HS3ST3B1: variants seen among roughly 807,000 people sequenced by gnomAD.
The protein encoded by HS3ST3B1 is heparan sulfate glucosamine 3-O-sulfotransferase 3B1.
In HS3ST3B1, 13 loss-of-function variants were observed where a neutral mutation model predicts 21.3. That is an observed-to-expected ratio of 0.61 (90% confidence interval 0.40 to 0.97). The LOEUF (loss-of-function observed/expected upper bound fraction) is 0.97. Ranked by LOEUF, HS3ST3B1 falls within the 50% of genes least tolerant of loss-of-function variation. The pLI is 0.00. For synonymous variants in HS3ST3B1, 234 were observed against 254.8 expected, an observed-to-expected ratio of 0.92 and a Z score of 0.78; for missense variants, 459 against 554.8, an observed-to-expected ratio of 0.83 and a Z score of 1.73.
chr17:14,307,093 A>G (rs1178871802), intron 1 of HS3ST3B1, among the ~76,000 whole-genome samples: 1 of 152,236 alleles, frequency 6.6e-6, no homozygotes, highest in Non-Finnish European at 1.5e-5. Flanking sequence ...CATTTGTTTT[A>G]GATAAATATG....
At chr17:14,344,202 GTT>G (rs573626696) in intron 1 of HS3ST3B1, among the ~76,000 whole-genome samples, 1 of 152,092 alleles carries the variant, frequency 6.6e-6, no homozygotes, top group Non-Finnish European at 1.5e-5. Flanking sequence ...GCCCAGCCTG[GTT>G]TTTTTATTAT....
At chr17:14,332,971 G>A (rs1246522679) in intron 1 of HS3ST3B1, among the ~76,000 whole-genome samples, 4 of 151,478 alleles carry the variant, frequency 2.6e-5, no homozygotes, top group African/African-American at 9.7e-5. Flanking sequence ...CAGCAAAGCT[G>A]CGCATGCTCC....
intron 1 of HS3ST3B1, among the ~76,000 whole-genome samples, chr17:14,344,590 G>T (rs1034489049): frequency 6.6e-6 from 1 of 152,192 alleles, no homozygotes; most frequent in East Asian, 1.9e-4. Flanking sequence ...CCTGGGTTTG[G>T]TAAGTGTGAG....
intron 1 of HS3ST3B1, among the ~76,000 whole-genome samples, chr17:14,312,198 G>T (rs1909325902): frequency 6.6e-6 from 1 of 152,088 alleles, no homozygotes; most frequent in South Asian, 2.1e-4. Flanking sequence ...TGCTTCCTGT[G>T]TGATTTCCCT....
At chr17:14,313,718 G>A (rs769619523) in intron 1 of HS3ST3B1, among the ~76,000 whole-genome samples, 4 of 151,858 alleles carry the variant, frequency 2.6e-5, no homozygotes, top group Non-Finnish European at 4.4e-5. Context: ...TTACAGGCAT[G>A]CGCCACCACA....
chr17:14,301,460 C>A lies in HS3ST3B1; in HGVS notation c.-59C>A. The A allele has an allele frequency of 7.3e-7, 1 of 1,369,172 alleles. No homozygotes were observed. Among genetic ancestry groups the A allele is most frequent in the Middle Eastern group, 2.5e-4 (1 of 3,956 alleles). The allele number at this position is 1,369,172 out of a possible 1,614,324, so 84.8% of individuals were successfully genotyped here. The stretch of plus-strand genomic sequence containing the variant: ...CGGGGAACCCTCTCTGCGCTCACTG[C>A]CCGGCGGGACCCACGCCATGTGCTG... On this transcript the variant is annotated 5_prime_UTR_variant, in exon 1 of 2. Coordinates refer to ENST00000360954, the MANE Select transcript of HS3ST3B1 (RefSeq NM_006041.3).
chr17:14,345,967 C>T lies in HS3ST3B1; in HGVS notation c.*321C>T, dbSNP rs140530925. The T allele has an allele frequency of 7.2e-4, 184 of 253,946 alleles. No individual in the cohort carries two copies. Among genetic ancestry groups the T allele is most frequent in the Middle Eastern group, 4.3e-3 (3 of 702 alleles). 15.7% of individuals were successfully genotyped at this position (253,946 alleles called of 1,614,324 possible). ...TTACGGGTATTCAGCCTTCAGTCAC[C>T]GTCTGAGTTCTCCAGTTGCTGCCTC... On this transcript the variant is annotated 3_prime_UTR_variant, in exon 2 of 2. Transcript: ENST00000360954.
At chr17:14,339,372 T>C (rs1001457542) in intron 1 of HS3ST3B1, among the ~76,000 whole-genome samples, 18 of 152,284 alleles carry the variant, frequency 1.2e-4, no homozygotes, top group African/African-American at 4.3e-4. Context: ...AGGCTACTAA[T>C]GTATGAATGA....
In HS3ST3B1 at chr17:14,302,027, C is replaced by T. The variant is rs1597583044; in HGVS notation, c.509C>T (p.Pro170Leu). The T allele has an allele frequency of 6.2e-7, 1 of 1,608,192 alleles. No homozygotes were observed. The highest frequency in any genetic ancestry group is 8.5e-7 in the Non-Finnish European group (1 of 1,179,316). Residue 170 changes from proline to leucine, a missense_variant, in exon 1 of 2, where the codon CCC becomes CTC. Around this residue, in one of 3 missense-constraint regions of HS3ST3B1, gnomAD observed 317 missense variants for 278.6 expected, o/e 1.14. Transcript: ENST00000360954. ...GACGTGCGCGCCGTGGGCGCCGAGCCCCATTTCTTCGATCGCAGCTACGAC... is the reference window on the plus strand; with the variant it reads ...GACGTGCGCGCCGTGGGCGCCGAGCTCCATTTCTTCGATCGCAGCTACGAC... Reference protein sequence around the residue: ...HPDVRAVGAEPHFFDRSYDKG... With the variant: ...HPDVRAVGAELHFFDRSYDKG...
intron 1 of HS3ST3B1, among the ~76,000 whole-genome samples, chr17:14,332,595 C>T (rs1029653958): frequency 5.3e-5 from 8 of 151,984 alleles, no homozygotes; most frequent in African/African-American, 1.7e-4. Context: ...GCAACTGGTC[C>T]ACGGAATGCG....
intron 1 of HS3ST3B1, among the ~76,000 whole-genome samples, chr17:14,339,878 T>A (rs1239418416): frequency 1.3e-5 from 2 of 152,160 alleles, no homozygotes; most frequent in African/African-American, 4.8e-5. Context: ...TTCTTCTGTG[T>A]GCCACTGTTG....
At chr17:14,314,811 T>A (rs1045588684) in intron 1 of HS3ST3B1, among the ~76,000 whole-genome samples, 1 of 152,168 alleles carries the variant, frequency 6.6e-6, no homozygotes, top group Non-Finnish European at 1.5e-5. Flanking sequence ...GTTACCAGAG[T>A]GGGGAGCTTC....
At chr17:14,324,443 G>C (rs905122061) in intron 1 of HS3ST3B1, among the ~76,000 whole-genome samples, 3 of 151,980 alleles carry the variant, frequency 2.0e-5, no homozygotes, top group African/African-American at 4.8e-5. Flanking sequence ...AGAGATAAGG[G>C]TCTTGCCATG....
chr17:14,342,798 TTAAC>T (rs910173196), intron 1 of HS3ST3B1, among the ~76,000 whole-genome samples: 13 of 152,232 alleles, frequency 8.5e-5, no homozygotes, highest in Non-Finnish European at 1.6e-4. Context: ...CCCAAATTCC[TTAAC>T]TAATTTAAGA....
chr17:14,303,596 T>G lies in HS3ST3B1; in HGVS notation c.554+1524T>G, dbSNP rs1175677892. 6.6e-6 allele frequency among the ~76,000 whole-genome samples: 1 copy of G among 152,178 alleles called. No homozygotes were observed. The highest frequency in any genetic ancestry group is 2.4e-5 in the African/African-American group (1 of 41,444). ...TCCTGGCTAGTCGCGTGAACCTTGG[T>G]GCTCTCATCTGTGCAGTGGGAATAA... On this transcript the variant is annotated intron_variant, in intron 1 of 1. Coordinates refer to ENST00000360954, the MANE Select transcript of HS3ST3B1 (RefSeq NM_006041.3). The surrounding 1 kb of genome is among the most constrained non-coding windows in gnomAD (Gnocchi z 5.7).
intron 1 of HS3ST3B1, among the ~76,000 whole-genome samples, chr17:14,310,533 T>A (rs1314538540): frequency 6.6e-6 from 1 of 152,340 alleles, no homozygotes. Flanking sequence ...ACATAAGACG[T>A]TGAACATCGT....
chr17:14,320,359 G>A (rs1412980676), intron 1 of HS3ST3B1, among the ~76,000 whole-genome samples: 2 of 152,066 alleles, frequency 1.3e-5, no homozygotes, highest in African/African-American at 2.4e-5. Flanking sequence ...AGACCAGGTG[G>A]GAAAGAAGAT....
rs775292910 is a variant in HS3ST3B1 at position 14,345,632 on chromosome 17, T to C, written c.1159T>C (p.Phe387Leu). Residue 387 changes from phenylalanine (F) to leucine (L), a missense_variant, in exon 2 of 2, where the codon TTT becomes CTT. Transcript: ENST00000360954. ...LKFYQMTGHDFGWD is the reference protein window; with the variant it reads ...LKFYQMTGHDLGWD ...GTTCTACCAGATGACCGGGCACGAC[T>C]TTGGCTGGGATTGAGCAGACCCGGG... The C allele has an allele frequency of 1.9e-6, 3 of 1,613,768 alleles. No individual in the cohort carries two copies. The highest frequency in any genetic ancestry group is 2.5e-6 in the Non-Finnish European group (3 of 1,179,784).
chr17:14,322,178 A>G (rs2142336219), intron 1 of HS3ST3B1, among the ~76,000 whole-genome samples: 1 of 152,180 alleles, frequency 6.6e-6, no homozygotes, highest in East Asian at 1.9e-4. Context: ...ATATTTGAGC[A>G]TTTTGATCTA....
Sources: gnomAD v4.1 joint callset for allele counts (sites outside exome capture counted in the v4.1 genomes callset) on GRCh38, gnomAD v4.1.1 for gene constraint, gnomAD v4.1.1 regional missense constraint, Gnocchi (gnomAD v3.1) non-coding constraint, MANE v1.5 for transcripts, NCBI Gene and HGNC (gene_info 2026-07-23, HGNC 2026-07-21) for gene names.